The following PTPRG variants were observed in gnomAD, a reference collection of about 807,000 sequenced individuals.
PTPRG encodes the protein receptor-type tyrosine-protein phosphatase gamma.
A neutral mutation model predicts 165.3 loss-of-function variants in PTPRG; 102 were observed. That is an observed-to-expected ratio of 0.62 (90% CI 0.53 to 0.73). PTPRG has a LOEUF of 0.73. Ranked by LOEUF, PTPRG falls within the 30% of genes least tolerant of loss-of-function variation. The pLI, the probability that PTPRG is intolerant of heterozygous loss-of-function variation, is 0.00. For synonymous variants in PTPRG, 675 were observed against 669.5 expected, an observed-to-expected ratio of 1.01 and a Z score of -0.13; for missense variants, 1,866 against 1,861.4, an observed-to-expected ratio of 1.00 and a Z score of -0.05.
At chr3:62,004,073 T>A (rs1315773021) in intron 4 of PTPRG, among the ~76,000 whole-genome samples, 1 of 152,124 alleles carries the variant, frequency 6.6e-6, no homozygotes, top group Admixed American at 6.5e-5. Flanking sequence ...GTGCACTAGG[T>A]CAGATGCTGC....
In PTPRG at chr3:61,562,371, C is replaced by T. The variant is rs775949428; in HGVS notation, c.84C>T (p.Pro28=). ...TGCTCCATTATGTCGTGTGCTTCCC[C>T]GGTGAGTGCCGGCCGCCGAGGGGAT... is the stretch of plus-strand genomic sequence containing the variant. ...SSVLHYVVCF[P]ALTEGYVGAL... is the part of the protein sequence containing the mutation. The change falls in exon 1 of 30, where the codon CCC becomes CCT. Residue 28 remains proline, a splice_region_variant and synonymous_variant. Coordinates refer to ENST00000474889, the MANE Select transcript of PTPRG (RefSeq NM_002841.4). 4 of 1,613,144 alleles carry T rather than the reference C, an allele frequency of 2.5e-6. No homozygotes were observed. Among genetic ancestry groups the T allele is most frequent in the Non-Finnish European group, 2.5e-6 (3 of 1,179,510 alleles).
Position 62,292,583 on chromosome 3 carries a change from C to G in PTPRG, c.4191+27C>G, listed in dbSNP as rs371482737. The G allele has an allele frequency of 1.2e-5, 19 of 1,608,698 alleles. No homozygotes were observed. In the African/African-American group the frequency reaches 1.5e-4, roughly 12 times the overall value. On this transcript the variant is annotated intron_variant, in intron 29 of 29. Coordinates refer to ENST00000474889, the MANE Select transcript of PTPRG (RefSeq NM_002841.4). Reference sequence around the variant, plus strand: ...TAAGTAGTTTGCTTATGTGTAAAACCTGTACTACATCAGTTGAAACTCAGA... The same window carrying G: ...TAAGTAGTTTGCTTATGTGTAAAACGTGTACTACATCAGTTGAAACTCAGA...
intron 28 of PTPRG, among the ~76,000 whole-genome samples, chr3:62,284,814 C>CCATCGATTCTTTCAG (rs1391820001): frequency 6.6e-6 from 1 of 152,082 alleles, no homozygotes; most frequent in Admixed American, 6.6e-5. Flanking sequence ...CTTCTTGGTG[C>CCATCGATTCTTTCAG]CATCGATTCT....
chr3:62,291,485 A>G (rs1270398280), intron 28 of PTPRG, among the ~76,000 whole-genome samples: 2 of 152,082 alleles, frequency 1.3e-5, no homozygotes, highest in Non-Finnish European at 2.9e-5. Flanking sequence ...GGCTGTATCT[A>G]CACGTGTAAT....
intron 2 of PTPRG, among the ~76,000 whole-genome samples, chr3:61,949,146 A>G (rs566553878): frequency 6.6e-6 from 1 of 152,316 alleles, no homozygotes; most frequent in African/African-American, 2.4e-5. Flanking sequence ...AGGGATTAGT[A>G]GAGTATGACC....
At position 62,219,344 on chromosome 3, in the gene PTPRG, A is replaced by G. The variant is rs560485698; in HGVS notation, c.2288+361A>G. 5.9e-5 allele frequency among the ~76,000 whole-genome samples: 9 copies of G among 152,202 alleles called. No individual in the cohort carries two copies. Among genetic ancestry groups the G allele is most frequent in the Non-Finnish European group, 8.8e-5 (6 of 68,038 alleles). ...TGAGTTAACAAGTCATAGCATTTGCAGTTTTTCTGAGATGATGCTTACTTT... is the reference window on the plus strand; with the variant it reads ...TGAGTTAACAAGTCATAGCATTTGCGGTTTTTCTGAGATGATGCTTACTTT... On this transcript the variant is annotated intron_variant, in intron 13 of 29. Transcript: ENST00000474889. This position sits in a 1 kb window ranked among gnomAD's most constrained non-coding sequence, Gnocchi z 4.5.
intron 28 of PTPRG, among the ~76,000 whole-genome samples, chr3:62,287,106 T>C (rs1028765916): frequency 6.6e-6 from 1 of 152,148 alleles, no homozygotes; most frequent in Non-Finnish European, 1.5e-5. Flanking sequence ...AGTGCATGCA[T>C]ACTCCGTAAA....
intron 2 of PTPRG, among the ~76,000 whole-genome samples, chr3:61,866,928 T>C (rs1043639070): frequency 1.2e-4 from 18 of 152,190 alleles, no homozygotes; most frequent in Non-Finnish European, 2.1e-4. Flanking sequence ...ACAACGTCTG[T>C]GTTTGCAACG....
intron 16 of PTPRG, among the ~76,000 whole-genome samples, chr3:62,261,534 G>A (rs1477502103): frequency 6.6e-6 from 1 of 151,644 alleles, no homozygotes; most frequent in Non-Finnish European, 1.5e-5. Flanking sequence ...GTAAGGAAAG[G>A]GTAAGAACTG....
intron 2 of PTPRG, among the ~76,000 whole-genome samples, chr3:61,871,114 T>C (rs551543453): frequency 4.8e-5 from 5 of 103,150 alleles, no homozygotes; most frequent in Admixed American, 3.6e-4. Context: ...TTCCCTGTTA[T>C]GTTATGTTAT....
intron 1 of PTPRG, among the ~76,000 whole-genome samples, chr3:61,571,655 C>G (rs1483723895): frequency 6.6e-6 from 1 of 152,122 alleles, no homozygotes; most frequent in Non-Finnish European, 1.5e-5. Flanking sequence ...GACACTACTC[C>G]TCTTCCAAAT....
At chr3:62,277,169 T>C (rs2085603871) in intron 25 of PTPRG, 121 bp downstream of exon 25, 2 of 773,746 alleles carry the variant, frequency 2.6e-6, no homozygotes, top group South Asian at 3.8e-5. Flanking sequence ...ATATGAAAAG[T>C]ATAGAGATTT....
intron 2 of PTPRG, among the ~76,000 whole-genome samples, chr3:61,838,821 T>C (rs1200516116): frequency 2.6e-5 from 4 of 152,252 alleles, no homozygotes; most frequent in Non-Finnish European, 5.9e-5. Flanking sequence ...TCTTGTCTTA[T>C]GTTTCTGTAA....
chr3:62,026,895 G>T (rs377326663), intron 4 of PTPRG, among the ~76,000 whole-genome samples: 8 of 74,746 alleles, frequency 1.1e-4, no homozygotes, highest in African/African-American at 4.7e-4. Context: ...AAAAAAAAAA[G>T]ATATAAGAAA....
At chr3:62,060,912 C>G (rs961948222) in intron 4 of PTPRG, among the ~76,000 whole-genome samples, 1 of 152,106 alleles carries the variant, frequency 6.6e-6, no homozygotes, top group Non-Finnish European at 1.5e-5. Context: ...TTTTGCATAT[C>G]AGATACAGAA....
chr3:61,756,298 T>C (rs1667765477), intron 2 of PTPRG, among the ~76,000 whole-genome samples: 1 of 152,202 alleles, frequency 6.6e-6, no homozygotes, highest in African/African-American at 2.4e-5. Context: ...TAGGAGGGCT[T>C]CAAGATAGAG....
At chr3:61,750,660 GC>G (rs1169989038) in intron 2 of PTPRG, 12 of 152,186 alleles carry the variant, frequency 7.9e-5, no homozygotes, top group Non-Finnish European at 1.6e-4. Flanking sequence ...TGTTGCAACT[GC>G]CCAACTCTGC....
At chr3:61,694,991 G>A (rs2030477894) in intron 1 of PTPRG, among the ~76,000 whole-genome samples, 1 of 151,722 alleles carries the variant, frequency 6.6e-6, no homozygotes, top group Non-Finnish European at 1.5e-5. Context: ...GTACTCTTTT[G>A]AACTGTTTGG....
chr3:61,711,382 C>T (rs2031547173), intron 1 of PTPRG, among the ~76,000 whole-genome samples: 1 of 152,202 alleles, frequency 6.6e-6, no homozygotes, highest in Admixed American at 6.5e-5. Flanking sequence ...ATTCACACTC[C>T]CACCAACAGT....
Sources: gnomAD v4.1 joint callset for allele counts (sites outside exome capture counted in the v4.1 genomes callset) on GRCh38, gnomAD v4.1.1 for gene constraint, Gnocchi (gnomAD v3.1) non-coding constraint, MANE v1.5 for transcripts, NCBI Gene and HGNC (gene_info 2026-07-23, HGNC 2026-07-21) for gene names.